M1AP: variants seen among roughly 807,000 people sequenced by gnomAD.
M1AP encodes meiosis 1 associated protein.
In M1AP, 39 loss-of-function variants were observed where a neutral mutation model predicts 51.2. The ratio of observed to expected loss-of-function variants is 0.76; its 90% CI spans 0.59 to 1.00. The LOEUF is 1.00. M1AP is among the 50% of genes least tolerant of loss of function. The pLI, the probability that M1AP is intolerant of heterozygous loss-of-function variation, is 0.00. For synonymous variants in M1AP, 251 were observed against 249.2 expected (o/e 1.01, Z -0.07); for missense variants, 545 against 641.2 (o/e 0.85, Z 1.62).
Position 74,560,210 on chromosome 2 carries a change from T to C in M1AP, c.1363A>G (p.Ile455Val). Residue 455 changes from isoleucine to valine, a missense_variant, in exon 9 of 11, where the codon ATC (isoleucine) becomes GTC (valine). Ile to Val is a conservative substitution (Grantham distance 29). Transcript: ENST00000421985. Reference sequence around the variant, plus strand: ...AGCCGCCCCTGAGGCTTGGCATAGATGCTGCTCAGGTGTGAGTACAGGTGG... The same window carrying C: ...AGCCGCCCCTGAGGCTTGGCATAGACGCTGCTCAGGTGTGAGTACAGGTGG... ...QSHLYSHLSSIYAKPQGRLHP... is the reference protein window; with the variant it reads ...QSHLYSHLSSVYAKPQGRLHP... The C allele has an allele frequency of 6.2e-7, 1 of 1,613,876 alleles. No homozygotes were observed. Among genetic ancestry groups the C allele is most frequent in the South Asian group, 1.1e-5 (1 of 91,014 alleles).
intron 1 of M1AP, among the ~76,000 whole-genome samples, chr2:74,642,118 C>T (rs865905542): frequency 2.0e-5 from 3 of 152,142 alleles, no homozygotes; most frequent in African/African-American, 7.2e-5. Context: ...GCGTGAGCCA[C>T]GGCACCTGGC....
At chr2:74,630,769 A>G (rs923135107) in intron 2 of M1AP, among the ~76,000 whole-genome samples, 1 of 151,934 alleles carries the variant, frequency 6.6e-6, no homozygotes, top group African/African-American at 2.4e-5. Flanking sequence ...AGTTTTTGCT[A>G]TTGTGAATAG....
chr2:74,628,569 C>A, intron 2 of M1AP: 1 of 555,022 alleles, frequency 1.8e-6, no homozygotes, highest in Non-Finnish European at 3.4e-6. Context: ...TCAAAAGATT[C>A]TTGATTCAGC....
intron 2 of M1AP, chr2:74,619,452 T>C (rs1681875145): frequency 6.5e-6 from 1 of 154,336 alleles, no homozygotes; most frequent in Non-Finnish European, 1.4e-5. Context: ...GCAGAAGCAC[T>C]ATGCTGCTCT....
At chr2:74,569,939 G>T (rs1272936427) in intron 7 of M1AP, among the ~76,000 whole-genome samples, 1 of 150,306 alleles carries the variant, frequency 6.7e-6, no homozygotes, top group Non-Finnish European at 1.5e-5. Flanking sequence ...TGTGTGAAAG[G>T]TTCTAGGAAC....
At chr2:74,606,317 C>T (rs2104699660) in intron 4 of M1AP, among the ~76,000 whole-genome samples, 1 of 152,328 alleles carries the variant, frequency 6.6e-6, no homozygotes, top group Non-Finnish European at 1.5e-5. Flanking sequence ...TGTGACTCCC[C>T]TGGTCATTAG....
chr2:74,576,805 G>T, intron 5 of M1AP, 187 bp from the exon 6 acceptor site: 1 of 1,282,294 alleles, frequency 7.8e-7, no homozygotes, highest in Non-Finnish European at 1.0e-6. Context: ...TGGAAAGGGA[G>T]AACAGGTCTG....
chr2:74,612,688 G>C (rs1196538034), intron 3 of M1AP, among the ~76,000 whole-genome samples: 1 of 151,924 alleles, frequency 6.6e-6, no homozygotes, highest in Non-Finnish European at 1.5e-5. Flanking sequence ...TATCTCATAA[G>C]TTTTGGTATA....
At chr2:74,642,763 G>A (rs1044976051) in intron 1 of M1AP, among the ~76,000 whole-genome samples, 4 of 152,072 alleles carry the variant, frequency 2.6e-5, no homozygotes, top group African/African-American at 9.7e-5. Context: ...TTAGTCTTAG[G>A]GATCTGTTGA....
intron 2 of M1AP, among the ~76,000 whole-genome samples, chr2:74,631,393 C>T (rs1269777427): frequency 6.6e-6 from 1 of 152,072 alleles, no homozygotes; most frequent in Non-Finnish European, 1.5e-5. Flanking sequence ...ATAGAAATGA[C>T]AAAATTAGTG....
At chr2:74,564,814 C>T (rs1453853439) in intron 7 of M1AP, among the ~76,000 whole-genome samples, 3 of 152,190 alleles carry the variant, frequency 2.0e-5, no homozygotes, top group Non-Finnish European at 4.4e-5. Flanking sequence ...GACTCCATTT[C>T]AGTTGGCTTA....
At chr2:74,571,148 C>G (rs200750529) in intron 7 of M1AP, among the ~76,000 whole-genome samples, 5 of 152,138 alleles carry the variant, frequency 3.3e-5, no homozygotes, top group East Asian at 3.9e-4. Context: ...AGATTGGAGG[C>G]AGGGAAGCCA....
At chr2:74,641,002 C>A (rs569308218) in intron 1 of M1AP, among the ~76,000 whole-genome samples, 1 of 152,210 alleles carries the variant, frequency 6.6e-6, no homozygotes, top group Non-Finnish European at 1.5e-5. Flanking sequence ...GGGTAGAGAA[C>A]CTGTCTTGTT....
intron 4 of M1AP, among the ~76,000 whole-genome samples, chr2:74,585,141 C>A (rs1175034592): frequency 6.6e-6 from 1 of 152,134 alleles, no homozygotes; most frequent in Non-Finnish European, 1.5e-5. Flanking sequence ...CCTTGCCCAG[C>A]CTATATTGGC....
At chr2:74,590,956 C>T (rs1680006159) in intron 4 of M1AP, among the ~76,000 whole-genome samples, 1 of 152,192 alleles carries the variant, frequency 6.6e-6, no homozygotes, top group South Asian at 2.1e-4. Context: ...TGCTTACTTT[C>T]TCTGTGACCT....
intron 1 of M1AP, among the ~76,000 whole-genome samples, chr2:74,644,451 T>G (rs1211401894): frequency 6.6e-6 from 1 of 151,548 alleles, no homozygotes; most frequent in Admixed American, 6.6e-5. Flanking sequence ...GGCAGGAGAA[T>G]CGCTGGAACC....
intron 2 of M1AP, among the ~76,000 whole-genome samples, chr2:74,625,496 G>A (rs986531519): frequency 6.6e-5 from 10 of 152,046 alleles, no homozygotes; most frequent in Admixed American, 5.9e-4. Context: ...TTCTCCCCAT[G>A]GTCTGTGTAT....
chr2:74,573,344 G>A (rs558268927), intron 7 of M1AP, among the ~76,000 whole-genome samples: 2 of 148,070 alleles, frequency 1.4e-5, no homozygotes, highest in Admixed American at 6.7e-5. Flanking sequence ...ATGAGCCACC[G>A]TGCCCAGCCT....
chr2:74,610,833 T>C (rs1031176452), intron 3 of M1AP, among the ~76,000 whole-genome samples: 2 of 152,224 alleles, frequency 1.3e-5, no homozygotes, highest in Non-Finnish European at 2.9e-5. Flanking sequence ...TGGTCTTCAT[T>C]GTGTTGAGGT....
Sources: allele counts gnomAD v4.1 joint callset (sites outside exome capture counted in the v4.1 genomes callset), GRCh38; gene constraint gnomAD v4.1.1; transcripts MANE v1.5; gene names NCBI Gene and HGNC (gene_info 2026-07-23, HGNC 2026-07-21).